GTF3C1: variants seen among roughly 807,000 people sequenced by gnomAD.
GTF3C1 encodes general transcription factor IIIC subunit 1.
Under a neutral mutation model 226.7 loss-of-function variants are expected in GTF3C1, and 57 were observed. That is an observed-to-expected ratio of 0.25 (90% CI 0.20 to 0.31). GTF3C1 has a LOEUF of 0.31. Among genes scored for constraint, GTF3C1 ranks in the 10% least tolerant of loss-of-function variants. The pLI is 1.00. For missense variants in GTF3C1, 2,217 were observed against 2,776.1 expected, an observed-to-expected ratio of 0.80 and a Z score of 4.53; for synonymous variants, 1,090 against 1,084.8, an observed-to-expected ratio of 1.00 and a Z score of -0.09.
intron 4 of GTF3C1, among the ~76,000 whole-genome samples, chr16:27,533,592 C>T (rs550522412): frequency 6.6e-6 from 1 of 152,320 alleles, no homozygotes; most frequent in Non-Finnish European, 1.5e-5. Context: ...TCTGTCACGT[C>T]CAAGGCCACC....
chr16:27,530,441 A>C (rs575051564), intron 5 of GTF3C1, among the ~76,000 whole-genome samples: 16 of 152,170 alleles, frequency 1.1e-4, no homozygotes, highest in Non-Finnish European at 2.1e-4. Context: ...AGGGGCTGCC[A>C]TCAACGACGT....
At chr16:27,484,447 TGCAG>T in intron 24 of GTF3C1, 94 bp from the exon 25 acceptor site, 1 of 819,240 alleles carries the variant, frequency 1.2e-6, no homozygotes, top group South Asian at 1.5e-5. Context: ...ATGTGTTTTG[TGCAG>T]CCTCCTTCCT....
rs543898481 is a variant in GTF3C1, at chr16:27,478,150, G to A, written c.4259+319C>T. Among the ~76,000 whole-genome samples the A allele has an allele frequency of 2.6e-5, 4 of 151,202 alleles. No homozygotes were observed. In the East Asian group the frequency reaches 7.8e-4, roughly 29 times the overall value. On this transcript the variant is annotated intron_variant, in intron 28 of 36. Transcript: ENST00000356183. ...CAATCCACTGCACTTCAGCCTGGGC[G>A]AAAGAGCAAGACTCCATCTCAAAAG...
intron 2 of GTF3C1, 34 bp from the exon 3 acceptor site, chr16:27,538,390 G>A: frequency 7.4e-7 from 1 of 1,345,018 alleles, no homozygotes; most frequent in Non-Finnish European, 1.0e-6. Context: ...GAAGAAATAA[G>A]TTTAACTGAT....
At chr16:27,535,303 T>G (rs2088983732) in intron 4 of GTF3C1, among the ~76,000 whole-genome samples, 1 of 152,236 alleles carries the variant, frequency 6.6e-6, no homozygotes, top group Admixed American at 6.5e-5. Flanking sequence ...CCGGATGTGA[T>G]GGCTCACGCT....
rs142762967 is a variant in GTF3C1 at position 27,469,473 on chromosome 16, C to T, written c.4892G>A (p.Arg1631Gln). ...DLDEGVGGKR[R>Q]SMEVKPAQAS... is the part of the protein sequence containing the mutation. ...TTGCGCAGGTTTCACCTCCATGCTC[C>T]GGCGCTTGCCCCCTACACCTTCGTC... Residue 1631 changes from arginine (R) to glutamine (Q), a missense_variant, in exon 32 of 37, where the codon CGG becomes CAG. Physicochemically the swap from Arg to Gln is conservative, Grantham distance 43. This residue lies in a region of GTF3C1 where 546 missense variants were observed against 663.0 expected (regional missense o/e 0.82). Transcript: ENST00000356183. This position sits in a 1 kb window ranked among gnomAD's most constrained non-coding sequence, Gnocchi z 4.5. The T allele has an allele frequency of 6.7e-5, 108 of 1,614,076 alleles. No homozygotes were observed. Among genetic ancestry groups the T allele is most frequent in the Non-Finnish European group, 8.6e-5 (101 of 1,180,030 alleles).
intron 13 of GTF3C1, among the ~76,000 whole-genome samples, chr16:27,498,044 G>A (rs1422255823): frequency 1.3e-5 from 2 of 152,192 alleles, no homozygotes; most frequent in Non-Finnish European, 2.9e-5. Flanking sequence ...CCACTTATGG[G>A]TGCTGCCTTG....
rs1765942530 is a variant in GTF3C1, at chr16:27,462,693, C to T, written c.5925-207G>A. On this transcript the variant is annotated intron_variant, in intron 35 of 36. Coordinates refer to ENST00000356183, the MANE Select transcript of GTF3C1 (RefSeq NM_001520.4). This position sits in a 1 kb window ranked among gnomAD's most constrained non-coding sequence, Gnocchi z 4.5. The stretch of plus-strand genomic sequence containing the variant: ...GACCGCCAGCTGGGTGGAACCAGGA[C>T]GTGGTGTCCGCTCTGATGTAGCTGT... 1.4e-5 allele frequency: 8 copies of T among 565,692 alleles called. No individual in the cohort carries two copies. The Admixed American group carries it at 1.5e-4, about 11-fold the overall frequency. 35.0% of individuals were successfully genotyped at this position (565,692 alleles called of 1,614,324 possible).
chr16:27,515,540 G>A (rs935696367), intron 6 of GTF3C1, among the ~76,000 whole-genome samples: 9 of 151,766 alleles, frequency 5.9e-5, no homozygotes, highest in Non-Finnish European at 1.0e-4. Context: ...TACTAGTGGA[G>A]CAACTGACAT....
chr16:27,470,662 G>T lies in GTF3C1; in HGVS notation c.4527-267C>A, dbSNP rs564749060. 1.3e-4 allele frequency: 61 copies of T among 459,330 alleles called. No individual in the cohort carries two copies. Among genetic ancestry groups the T allele is most frequent in the Non-Finnish European group, 2.1e-4 (54 of 252,172 alleles). 28.5% of individuals were successfully genotyped at this position (459,330 alleles called of 1,614,324 possible). A position where few individuals can be genotyped will look rare whatever the true frequency, so the allele number is the denominator to read the frequency against. On this transcript the variant is annotated intron_variant, in intron 30 of 36. Transcript: ENST00000356183. This position sits in a 1 kb window ranked among gnomAD's most constrained non-coding sequence, Gnocchi z 4.9. ...CAATGTGGCCTCACCTGGCGCTCCAGGAGGGCGCTGGCAGGCTCACCTTAC... is the reference window on the plus strand; with the variant it reads ...CAATGTGGCCTCACCTGGCGCTCCATGAGGGCGCTGGCAGGCTCACCTTAC...
rs772442284 is a variant in GTF3C1 at position 27,493,231 on chromosome 16, G to A, written c.2844C>T (p.Pro948=). Residue 948 remains proline, a synonymous_variant, in exon 17 of 37, where the codon CCC becomes CCT. Coordinates refer to ENST00000356183, the MANE Select transcript of GTF3C1 (RefSeq NM_001520.4). The part of the protein sequence containing the change: ...LKKHTLIRFL[P]RPIRQQLLYK... Reference sequence around the variant, plus strand: ...ACAGAAGCTGCTGCCGAATGGGCCTGGGGAGAAAGCGGATCAGCGTGTGCT... The same window carrying A: ...ACAGAAGCTGCTGCCGAATGGGCCTAGGGAGAAAGCGGATCAGCGTGTGCT... 6.2e-7 allele frequency: 1 copy of A among 1,611,030 alleles called. No homozygotes were observed. The highest frequency in any genetic ancestry group is 1.3e-5 in the African/African-American group (1 of 74,846).
intron 32 of GTF3C1, chr16:27,465,887 G>A (rs982135855): frequency 1.8e-4 from 54 of 299,050 alleles, no homozygotes; most frequent in Non-Finnish European, 3.9e-5. Flanking sequence ...CCTGACCAGG[G>A]CTGGCCTGGT....
chr16:27,492,835 G>A lies in GTF3C1; in HGVS notation c.2877-122C>T. 1 of 690,948 alleles carries A rather than the reference G, an allele frequency of 1.4e-6. No homozygotes were observed. Among genetic ancestry groups the A allele is most frequent in the Non-Finnish European group, 2.6e-6 (1 of 382,888 alleles). The allele number at this position is 690,948 out of a possible 1,614,324, so 42.8% of individuals were successfully genotyped here. A position where few individuals can be genotyped will look rare whatever the true frequency, so the allele number is the denominator to read the frequency against. Reference sequence around the variant, plus strand: ...TCTTTTCCACCTGGTGGTCACTGGAGGACCAGCCTCAAGCCCACACTGCAC... The same window carrying A: ...TCTTTTCCACCTGGTGGTCACTGGAAGACCAGCCTCAAGCCCACACTGCAC... On this transcript the variant is annotated intron_variant, in intron 17 of 36. Coordinates refer to ENST00000356183, the MANE Select transcript of GTF3C1 (RefSeq NM_001520.4). This position sits in a 1 kb window ranked among gnomAD's most constrained non-coding sequence, Gnocchi z 5.0.
In GTF3C1 at chr16:27,469,398, A is replaced by T; in HGVS notation, c.4967T>A (p.Ile1656Asn). The change falls in exon 32 of 37, where the codon ATC becomes AAC. Residue 1656 changes from isoleucine to asparagine, a missense_variant. Physicochemically the swap from Ile to Asn is moderately radical, Grantham distance 149. Around this residue, in one of 12 missense-constraint regions of GTF3C1, gnomAD observed 455 missense variants for 441.9 expected, o/e 1.03. Transcript: ENST00000356183. The surrounding 1 kb of genome is among the most constrained non-coding windows in gnomAD (Gnocchi z 4.5). The part of the protein sequence containing the change: ...LLMRGYYSPG[I>N]VSTRNLNPND... ...GGGGTTGAGGTTGCGGGTGCTGACG[A>T]TGCCGGGGGAGTAGTAGCCCCTCAT... 1.2e-6 allele frequency: 2 copies of T among 1,613,770 alleles called. No individual in the cohort carries two copies. The highest frequency in any genetic ancestry group is 1.7e-6 in the Non-Finnish European group (2 of 1,179,864).
intron 26 of GTF3C1, 100 bp from the exon 27 acceptor site, chr16:27,481,291 AGCTAAGTCCGAGAACCACTGACCAGGT>A: frequency 1.0e-6 from 1 of 1,002,118 alleles, no homozygotes; most frequent in South Asian, 1.4e-5. Context: ...CTCCTGCACC[AGCTAAGTCCGAGAACCACTGACCAGGT>A]GCCTCCCCTG....
At chr16:27,542,768 C>A (rs1268225452) in intron 2 of GTF3C1, among the ~76,000 whole-genome samples, 1 of 152,126 alleles carries the variant, frequency 6.6e-6, no homozygotes, top group Non-Finnish European at 1.5e-5. Flanking sequence ...CCGGGTTTTG[C>A]CCCTCTGCAC....
intron 26 of GTF3C1, among the ~76,000 whole-genome samples, chr16:27,481,705 T>C (rs73533007): frequency 1.3e-5 from 2 of 152,106 alleles, no homozygotes; most frequent in African/African-American, 4.8e-5. Flanking sequence ...CAGTGTGCAA[T>C]GCGACATGGT....
Position 27,506,014 on chromosome 16 carries a change from C to T in GTF3C1, c.1655G>A (p.Ser552Asn), listed in dbSNP as rs767071361. ...TGAGACGCTGCTGGTATCTAAGAGG[C>T]TGTCCCTGCTGGCAAGGCTCTGGCA... The part of the protein sequence containing the change: ...RACQSLASRD[S>N]LLDTSSVSEP... The change falls in exon 10 of 37, where the codon AGC (serine) becomes AAC (asparagine). Residue 552 changes from serine to asparagine, a missense_variant. Physicochemically the swap from Ser to Asn is conservative, Grantham distance 46 (BLOSUM62 1). This residue lies in a region of GTF3C1 where 173 missense variants were observed against 207.2 expected (regional missense o/e 0.83). Transcript: ENST00000356183. 18 of 1,613,462 alleles carry T rather than the reference C, an allele frequency of 1.1e-5. No individual in the cohort carries two copies. In the East Asian group the frequency reaches 3.1e-4, roughly 28 times the overall value.
intron 7 of GTF3C1, 152 bp downstream of exon 7, chr16:27,511,597 G>A: frequency 1.4e-6 from 1 of 701,506 alleles, no homozygotes; most frequent in Non-Finnish European, 2.3e-6. Flanking sequence ...ACTCCAATCT[G>A]ACCTTGAAGC....
Sources: allele counts gnomAD v4.1 joint callset (sites outside exome capture counted in the v4.1 genomes callset), GRCh38; gene constraint gnomAD v4.1.1; regional missense constraint gnomAD v4.1.1; non-coding constraint Gnocchi (gnomAD v3.1); transcripts MANE v1.5; gene names NCBI Gene and HGNC (gene_info 2026-07-23, HGNC 2026-07-21).